Variants in ZDHHC7 observed in about 807,000 individuals in gnomAD.
ZDHHC7 encodes the protein zDHHC palmitoyltransferase 7.
In ZDHHC7, 12 loss-of-function variants were observed where a neutral mutation model predicts 34.1. The ratio of observed to expected loss-of-function variants is 0.35; its 90% confidence interval spans 0.23 to 0.57. The LOEUF is 0.57. Ranked by LOEUF, ZDHHC7 falls within the 20% of genes least tolerant of loss-of-function variation. The pLI, the probability that ZDHHC7 is intolerant of heterozygous loss-of-function variation, is 0.84. For synonymous variants in ZDHHC7, 185 were observed against 155.4 expected (o/e 1.19, Z -1.42); for missense variants, 388 against 402.7 (o/e 0.96, Z 0.31).
At chr16:84,992,685 AG>A (rs2143657311) in intron 2 of ZDHHC7, among the ~76,000 whole-genome samples, 1 of 152,312 alleles carries the variant, frequency 6.6e-6, no homozygotes, top group South Asian at 2.1e-4. Context: ...ACCTTCTCAG[AG>A]CAGGAGCGCT....
the ZDHHC7 span, among the ~76,000 whole-genome samples, chr16:85,024,230 GTTTTT>G: frequency 2.8e-5 from 3 of 108,728 alleles, no homozygotes; most frequent in Non-Finnish European, 5.5e-5. Flanking sequence ...AGAGTTTTTT[GTTTTT>G]TTTTTTTTTT....
At chr16:85,025,971 AT>A in the ZDHHC7 span, among the ~76,000 whole-genome samples, 1 of 152,296 alleles carries the variant, frequency 6.6e-6, no homozygotes, top group Non-Finnish European at 1.5e-5. Flanking sequence ...AGGTTCACTG[AT>A]CTGTGGTTTG....
upstream of ZDHHC7, among the ~76,000 whole-genome samples, chr16:85,014,498 G>T (rs572011863): frequency 6.6e-6 from 1 of 152,240 alleles, no homozygotes; most frequent in South Asian, 2.1e-4. Flanking sequence ...CAATAAAGAA[G>T]GCAGTTAATC....
rs1197505861 is a variant in ZDHHC7, at chr16:84,975,731, GCACACGCACAGACA to G, written c.*598_*611del. On this transcript the variant is annotated 3_prime_UTR_variant, in exon 8 of 8. Transcript: ENST00000313732. Reference sequence around the variant, plus strand: ...TTTTGACACACATGCACACACGCGCGCACACGCACAGACACGCACACACACAGACTTGCTGAGAG... The same window carrying G: ...TTTTGACACACATGCACACACGCGCGCGCACACACACAGACTTGCTGAGAG... 2.0e-5 allele frequency: 3 copies of G among 153,176 alleles called. No homozygotes were observed. The highest frequency in any genetic ancestry group is 2.9e-5 in the Non-Finnish European group (2 of 68,460). 9.5% of individuals were successfully genotyped at this position (153,176 alleles called of 1,614,324 possible).
At chr16:85,002,471 A>G (rs1371145349) in intron 1 of ZDHHC7, among the ~76,000 whole-genome samples, 1 of 152,094 alleles carries the variant, frequency 6.6e-6, no homozygotes, top group Non-Finnish European at 1.5e-5. Context: ...AGTCATAAGG[A>G]AAATATCAAA....
At chr16:84,987,738 C>T (rs140352872) in intron 3 of ZDHHC7, among the ~76,000 whole-genome samples, 1 of 152,194 alleles carries the variant, frequency 6.6e-6, no homozygotes, top group Non-Finnish European at 1.5e-5. Flanking sequence ...GAGAAGGGTC[C>T]GGCCAGAGCA....
At chr16:84,978,379 T>G (rs1385846344) in intron 5 of ZDHHC7, among the ~76,000 whole-genome samples, 1 of 152,182 alleles carries the variant, frequency 6.6e-6, no homozygotes, top group East Asian at 1.9e-4. Flanking sequence ...AGGGAAGGAT[T>G]AAATGGCAGC....
At chr16:85,016,615 T>A in the ZDHHC7 span, among the ~76,000 whole-genome samples, 1 of 145,134 alleles carries the variant, frequency 6.9e-6, no homozygotes, top group African/African-American at 2.5e-5. Context: ...CCACCACACC[T>A]GGTTAATTTT....
chr16:85,026,363 G>T, the ZDHHC7 span, among the ~76,000 whole-genome samples: 3 of 152,078 alleles, frequency 2.0e-5, no homozygotes, highest in African/African-American at 7.2e-5. Context: ...CCACGTAAAG[G>T]AATGAGGGGT....
intron 1 of ZDHHC7, among the ~76,000 whole-genome samples, chr16:85,007,317 G>A (rs557627796): frequency 6.6e-6 from 1 of 151,730 alleles, no homozygotes; most frequent in Admixed American, 6.6e-5. Flanking sequence ...CAGCTACTCG[G>A]GAGGCTGAGG....
At chr16:84,980,481 C>T (rs536587765) in intron 4 of ZDHHC7, among the ~76,000 whole-genome samples, 25 of 152,056 alleles carry the variant, frequency 1.6e-4, no homozygotes, top group African/African-American at 5.8e-4. Context: ...ACCAGCCTGG[C>T]CAATGTGGCA....
At chr16:85,026,374 A>G in the ZDHHC7 span, among the ~76,000 whole-genome samples, 1 of 152,142 alleles carries the variant, frequency 6.6e-6, no homozygotes, top group Admixed American at 6.5e-5. Context: ...AATGAGGGGT[A>G]TTGGACACAA....
chr16:85,005,782 C>T (rs1270078155), intron 1 of ZDHHC7, among the ~76,000 whole-genome samples: 2 of 152,206 alleles, frequency 1.3e-5, no homozygotes, highest in Admixed American at 6.5e-5. Flanking sequence ...CAGTGTTTCC[C>T]GGTGAACCAA....
At chr16:84,995,064 AG>A (rs1216197845) in intron 2 of ZDHHC7, among the ~76,000 whole-genome samples, 1 of 152,186 alleles carries the variant, frequency 6.6e-6, no homozygotes, top group Non-Finnish European at 1.5e-5. Flanking sequence ...CTTAGGAGCA[AG>A]GGCACAGCCT....
intron 3 of ZDHHC7, among the ~76,000 whole-genome samples, chr16:84,984,262 C>G (rs1231471706): frequency 6.6e-6 from 1 of 152,106 alleles, no homozygotes; most frequent in Non-Finnish European, 1.5e-5. Flanking sequence ...CTCAGGTGAT[C>G]CAACCGCCTC....
At chr16:85,024,750 A>G in the ZDHHC7 span, among the ~76,000 whole-genome samples, 1 of 152,308 alleles carries the variant, frequency 6.6e-6, no homozygotes, top group East Asian at 1.9e-4. Context: ...CCACTCAAGT[A>G]GTATGAGTGG....
chr16:85,008,267 GCAAT>G (rs756353127), intron 1 of ZDHHC7, among the ~76,000 whole-genome samples: 2 of 151,954 alleles, frequency 1.3e-5, no homozygotes, highest in African/African-American at 4.8e-5. Flanking sequence ...AACCATGTGG[GCAAT>G]CAATCAATCA....
At chr16:84,979,123 C>T in intron 5 of ZDHHC7, 66 bp downstream of exon 5, 12 of 1,485,850 alleles carry the variant, frequency 8.1e-6, no homozygotes, top group African/African-American at 1.4e-5. Flanking sequence ...TTCTCTGCTC[C>T]AGGCAAGAAG....
At chr16:85,010,011 T>C (rs1468379800) in intron 1 of ZDHHC7, among the ~76,000 whole-genome samples, 2 of 150,276 alleles carry the variant, frequency 1.3e-5, no homozygotes, top group Admixed American at 6.6e-5. Context: ...CCTGGCCAAG[T>C]TCTGACTTTT....
Sources: allele counts gnomAD v4.1 joint callset (sites outside exome capture counted in the v4.1 genomes callset), GRCh38; gene constraint gnomAD v4.1.1; transcripts MANE v1.5; gene names NCBI Gene and HGNC (gene_info 2026-07-23, HGNC 2026-07-21).